Variants in ITPR2 observed in about 807,000 individuals in gnomAD.
ITPR2 encodes inositol 1,4,5-trisphosphate receptor type 2.
ITPR2 carries 207 observed loss-of-function variants against 317.1 expected under a neutral mutation model. The observed-to-expected ratio is 0.65, with a 90% confidence interval of 0.58 to 0.73. The LOEUF (loss-of-function observed/expected upper bound fraction) is 0.73. Among genes scored for constraint, ITPR2 ranks in the 30% least tolerant of loss-of-function variants. The pLI is 0.00. For missense variants in ITPR2, 2,613 were observed against 3,284.0 expected, an observed-to-expected ratio of 0.80 and a Z score of 4.99; for synonymous variants, 1,156 against 1,149.1, an observed-to-expected ratio of 1.01 and a Z score of -0.12.
At chr12:26,496,939 A>G (rs1215017319) in intron 37 of ITPR2, among the ~76,000 whole-genome samples, 8 of 136,410 alleles carry the variant, frequency 5.9e-5, no homozygotes, top group Admixed American at 3.7e-4. Flanking sequence ...GCGAGACTCC[A>G]TCTCAAAAAA....
chr12:26,695,141 C>T (rs2136989132), intron 10 of ITPR2, among the ~76,000 whole-genome samples: 1 of 152,230 alleles, frequency 6.6e-6, no homozygotes, highest in Admixed American at 6.5e-5. Context: ...GAATTACAGA[C>T]CGTATCTAGA....
chr12:26,650,419 G>A (rs537883666), intron 21 of ITPR2, among the ~76,000 whole-genome samples: 23 of 152,268 alleles, frequency 1.5e-4, no homozygotes, highest in African/African-American at 5.5e-4. Context: ...AACACCAAGA[G>A]TGAACCCCAA....
intron 2 of ITPR2, among the ~76,000 whole-genome samples, chr12:26,737,198 T>C (rs1565728393): frequency 6.6e-6 from 1 of 152,092 alleles, no homozygotes; most frequent in South Asian, 2.1e-4. Context: ...AATCTTGCCT[T>C]GGGGAGGTCT....
intron 6 of ITPR2, 127 bp from the exon 7 acceptor site, chr12:26,715,962 G>C (rs1441291523): frequency 2.7e-6 from 2 of 751,204 alleles, no homozygotes; most frequent in Non-Finnish European, 4.4e-6. Context: ...CTCAATACAA[G>C]TATCTTTGAG....
intron 14 of ITPR2, among the ~76,000 whole-genome samples, chr12:26,665,036 T>C (rs75219097): frequency 0.033 from 4,978 of 152,266 alleles, 485 homozygotes; most frequent in East Asian, 0.2. Context: ...TAGCAATTAA[T>C]AGAATAAAAA....
chr12:26,832,798 C>T lies in ITPR2; in HGVS notation c.-17G>A. The T allele has an allele frequency of 6.3e-7, 1 of 1,575,574 alleles. No individual in the cohort carries two copies. Among genetic ancestry groups the T allele is most frequent in the Non-Finnish European group, 8.7e-7 (1 of 1,151,686 alleles). ...CTCAGTCATGCTGCTTCATGTTCCA[C>T]AGTGGACGTCCCTCTTCTTCCCTGC... On this transcript the variant is annotated 5_prime_UTR_variant, in exon 1 of 57. The change creates a new upstream start codon in the 5' untranslated region. Coordinates refer to ENST00000381340, the MANE Select transcript of ITPR2 (RefSeq NM_002223.4).
Position 26,730,150 on chromosome 12 carries a change from C to T in ITPR2, c.164-4385G>A, listed in dbSNP as rs1302716014. On this transcript the variant is annotated intron_variant, in intron 2 of 56. Transcript: ENST00000381340. ...CCACGATGTGTCTTTGTATACACTT[C>T]TCAAATTCCTTGGAACAAAATGACA... Among the ~76,000 whole-genome samples, 8 of 152,300 alleles carry T rather than the reference C, an allele frequency of 5.3e-5. No individual in the cohort carries two copies. The South Asian group carries it at 6.2e-4, about 12-fold the overall frequency.
chr12:26,494,391 T>C (rs1230669395), intron 38 of ITPR2, 51 bp from the exon 39 acceptor site: 2 of 1,125,312 alleles, frequency 1.8e-6, no homozygotes, highest in Non-Finnish European at 1.2e-6. Context: ...ACATTATTAA[T>C]ATGTAAGGTT....
Position 26,419,042 on chromosome 12 carries a change from T to G in ITPR2, c.7110+7A>C. ...AGCAGTGATTGTCCACATAGAGATG[T>G]ACTCACCAGGAAGCTATAGAAGAAT... On this transcript the variant is annotated splice_region_variant and intron_variant, in intron 50 of 56. Coordinates refer to ENST00000381340, the MANE Select transcript of ITPR2 (RefSeq NM_002223.4). The G allele has an allele frequency of 6.2e-6, 10 of 1,611,874 alleles. No homozygotes were observed. Among genetic ancestry groups the G allele is most frequent in the Non-Finnish European group, 8.5e-6 (10 of 1,178,864 alleles).
chr12:26,729,467 G>A (rs569109826), intron 2 of ITPR2, among the ~76,000 whole-genome samples: 1 of 152,172 alleles, frequency 6.6e-6, no homozygotes, highest in South Asian at 2.1e-4. Context: ...ATGCCCAAAG[G>A]AATATAAATC....
intron 37 of ITPR2, among the ~76,000 whole-genome samples, chr12:26,536,718 A>C (rs934595783): frequency 1.3e-5 from 2 of 152,166 alleles, no homozygotes; most frequent in African/African-American, 2.4e-5. Flanking sequence ...GGCAGGATCC[A>C]CCAGGCCAGT....
chr12:26,686,762 T>A, intron 10 of ITPR2, 130 bp from the exon 11 acceptor site: 1 of 783,632 alleles, frequency 1.3e-6, no homozygotes, highest in Non-Finnish European at 2.0e-6. Context: ...TTTCACATCA[T>A]CCAGAAACAC....
chr12:26,618,185 A>G (rs571478525), intron 26 of ITPR2, among the ~76,000 whole-genome samples: 1 of 152,340 alleles, frequency 6.6e-6, no homozygotes, highest in South Asian at 2.1e-4. Flanking sequence ...ATCAGAAATA[A>G]GACAGGGATG....
chr12:26,598,403 A>T (rs1229630092), intron 30 of ITPR2, among the ~76,000 whole-genome samples: 3 of 152,164 alleles, frequency 2.0e-5, no homozygotes, highest in African/African-American at 4.8e-5. Flanking sequence ...TCTACCATGT[A>T]ACTGTTTGGT....
chr12:26,629,921 G>T (rs945019059), intron 22 of ITPR2, among the ~76,000 whole-genome samples: 18 of 152,210 alleles, frequency 1.2e-4, no homozygotes, highest in Non-Finnish European at 2.4e-4. Flanking sequence ...TCTCAATCCT[G>T]CCTTTGAAGA....
At chr12:26,346,647 CTA>C (rs1440304955) in intron 55 of ITPR2, among the ~76,000 whole-genome samples, 1 of 151,562 alleles carries the variant, frequency 6.6e-6, no homozygotes, top group African/African-American at 2.4e-5. Context: ...ATCAGCTGTG[CTA>C]TGTTTTCATA....
Position 26,657,723 on chromosome 12 carries a change from C to A in ITPR2, c.2176G>T (p.Val726Phe). 1.2e-6 allele frequency: 2 copies of A among 1,614,038 alleles called. No individual in the cohort carries two copies. Among genetic ancestry groups the A allele is most frequent in the Non-Finnish European group, 1.7e-6 (2 of 1,179,966 alleles). ...ATACTTAACCTGTAATAGGTAAGAA[C>A]TTCTAAGTCAGCTTTGGTGCCTTCT... ...AKEGTKADLE[V>F]LTYYRYQLNL... The change falls in exon 18 of 57, where the codon GTT becomes TTT. Residue 726 changes from valine to phenylalanine, a missense_variant. This residue lies in a region of ITPR2 where 817 missense variants were observed against 897.6 expected (regional missense o/e 0.91). Transcript: ENST00000381340.
intron 55 of ITPR2, among the ~76,000 whole-genome samples, chr12:26,362,810 C>T (rs188530106): frequency 6.6e-6 from 1 of 152,296 alleles, no homozygotes; most frequent in African/African-American, 2.4e-5. Context: ...ACTCCCTCAT[C>T]ACCTCTTCCT....
chr12:26,493,535 T>C (rs1942859296), intron 39 of ITPR2, among the ~76,000 whole-genome samples: 1 of 152,174 alleles, frequency 6.6e-6, no homozygotes, highest in Non-Finnish European at 1.5e-5. Context: ...ATTTATTGTA[T>C]ATTTTCAAAC....
Sources: allele counts gnomAD v4.1 joint callset (sites outside exome capture counted in the v4.1 genomes callset), GRCh38; gene constraint gnomAD v4.1.1; regional missense constraint gnomAD v4.1.1; transcripts MANE v1.5; gene names NCBI Gene and HGNC (gene_info 2026-07-23, HGNC 2026-07-21).